FMNL1: variants seen among roughly 807,000 people sequenced by gnomAD.
The protein encoded by FMNL1 is formin-like protein 1.
FMNL1 carries 43 observed loss-of-function variants against 121.3 expected under a neutral mutation model. That is an observed-to-expected ratio of 0.35 (90% CI 0.28 to 0.46). FMNL1 has a LOEUF of 0.46. FMNL1 is among the 20% of genes least tolerant of loss of function. The pLI is 1.00. For synonymous variants in FMNL1, 613 were observed against 613.5 expected, an observed-to-expected ratio of 1.00 and a Z score of 0.01; for missense variants, 1,191 against 1,482.4, an observed-to-expected ratio of 0.80 and a Z score of 3.23.
rs2043439270 is a variant in FMNL1, at chr17:45,231,614, G to A, written c.214-753G>A. Among the ~76,000 whole-genome samples the A allele has an allele frequency of 6.6e-6, 1 of 152,100 alleles. No homozygotes were observed. The highest frequency in any genetic ancestry group is 2.4e-5 in the African/African-American group (1 of 41,408). On this transcript the variant is annotated intron_variant, in intron 2 of 26. Transcript: ENST00000331495. The surrounding 1 kb of genome is among the most constrained non-coding windows in gnomAD (Gnocchi z 4.7). Reference sequence around the variant, plus strand: ...TGAGGGGTTTGGGTTGGAAGGGTGGGGGCCCCTCTGGGGAGGGGTCTTTGC... The same window carrying A: ...TGAGGGGTTTGGGTTGGAAGGGTGGAGGCCCCTCTGGGGAGGGGTCTTTGC...
At chr17:45,239,735 C>T (rs1418384557) in intron 11 of FMNL1, among the ~76,000 whole-genome samples, 1 of 151,924 alleles carries the variant, frequency 6.6e-6, no homozygotes, top group Admixed American at 6.5e-5. Context: ...CATGGTACAA[C>T]ATGGGTGAGC....
In FMNL1 at chr17:45,246,924, G is replaced by C; in HGVS notation, c.*66G>C. On this transcript the variant is annotated 3_prime_UTR_variant, in exon 27 of 27. Transcript: ENST00000331495. The stretch of plus-strand genomic sequence containing the variant: ...ACAGGCCGCCGCAGTGCCCGTCGGC[G>C]TCCCCCGGGCCCCCCACTGCAGGTC... 1.3e-6 allele frequency: 1 copy of C among 758,340 alleles called. No individual in the cohort carries two copies. The highest frequency in any genetic ancestry group is 2.4e-6 in the Non-Finnish European group (1 of 415,378). The allele number at this position is 758,340 out of a possible 1,614,324, so 47.0% of individuals were successfully genotyped here. A position where few individuals can be genotyped will look rare whatever the true frequency, so the allele number is the denominator to read the frequency against.
At position 45,241,900 on chromosome 17, in the gene FMNL1, C is replaced by T; in HGVS notation, c.1639C>T (p.Pro547Ser). 1.4e-6 allele frequency: 2 copies of T among 1,420,020 alleles called. No individual in the cohort carries two copies. The highest frequency in any genetic ancestry group is 1.8e-6 in the Non-Finnish European group (2 of 1,095,764). The allele number at this position is 1,420,020 out of a possible 1,614,324, so 88.0% of individuals were successfully genotyped here. ...APGAAPPPPP[P>S]LPGLPSPQEA... ...CGGAGCAGCGCCACCGCCGCCGCCC[C>T]CACTGCCCGGCCTCCCCTCCCCGCA... The change falls in exon 15 of 27, where the codon CCA becomes TCA. Residue 547 changes from proline (P) to serine (S), a missense_variant. Pro to Ser is a moderately conservative substitution (Grantham distance 74). This residue lies in a region of FMNL1 where 519 missense variants were observed against 492.8 expected (regional missense o/e 1.05). Transcript: ENST00000331495. The surrounding 1 kb of genome is among the most constrained non-coding windows in gnomAD (Gnocchi z 7.0).
Position 45,244,933 on chromosome 17 carries a change from T to A in FMNL1, c.2598+34T>A, listed in dbSNP as rs771298485. On this transcript the variant is annotated intron_variant, in intron 20 of 26. Coordinates refer to ENST00000331495, the MANE Select transcript of FMNL1 (RefSeq NM_005892.4). ...GGGCCCCTGGCTTGGGGACTGGGGC[T>A]GGGGACTGGCTGGTGGCCTGTGGCT... 17 of 1,612,672 alleles carry A rather than the reference T, an allele frequency of 1.1e-5. No individual in the cohort carries two copies. In the African/African-American group the frequency reaches 2.0e-4, roughly 19 times the overall value.
chr17:45,234,005 T>C (rs2043496703), intron 5 of FMNL1, 67 bp from the exon 6 acceptor site: 1 of 1,581,832 alleles, frequency 6.3e-7, no homozygotes, highest in African/African-American at 1.4e-5. Flanking sequence ...CTCCTTGCGT[T>C]TCCTCTGCCC....
intron 1 of FMNL1, among the ~76,000 whole-genome samples, chr17:45,225,992 C>T (rs1358967570): frequency 6.6e-6 from 1 of 152,142 alleles, no homozygotes; most frequent in Non-Finnish European, 1.5e-5. Flanking sequence ...CTGATCTGGT[C>T]CTCTCCATCT....
chr17:45,224,554 C>G (rs78088934), intron 1 of FMNL1, among the ~76,000 whole-genome samples: 2,140 of 152,326 alleles, frequency 0.014, 64 homozygotes, highest in African/African-American at 0.049. Context: ...GGAACCTCTT[C>G]CTTCCCCTTT....
intron 1 of FMNL1, among the ~76,000 whole-genome samples, chr17:45,223,757 G>A (rs898523742): frequency 6.6e-6 from 1 of 152,182 alleles, no homozygotes; most frequent in African/African-American, 2.4e-5. Context: ...GAGGGACATG[G>A]GTCTGTCTTT....
At chr17:45,238,342 A>C (rs2143473676) in intron 9 of FMNL1, 1 of 514,894 alleles carries the variant, frequency 1.9e-6, no homozygotes, top group South Asian at 2.3e-5. Flanking sequence ...GTAAGTGCAA[A>C]GGCCCTGGGG....
chr17:45,232,234 G>T (rs1022429735), intron 2 of FMNL1, 133 bp from the exon 3 acceptor site: 1 of 725,584 alleles, frequency 1.4e-6, no homozygotes, highest in African/African-American at 1.8e-5. Flanking sequence ...TATACCTTTG[G>T]TATTTCAGAG....
rs756823031 is a variant in FMNL1, at chr17:45,245,889, G to A, written c.3006G>A (p.Gln1002=). Residue 1002 remains glutamine (Q), a synonymous_variant, in exon 24 of 27, where the codon CAG becomes CAA. Coordinates refer to ENST00000331495, the MANE Select transcript of FMNL1 (RefSeq NM_005892.4). ...GCCTTGGCCCACAGAAAGCTGAGCA[G>A]GAGGTGGAACAGTGGAAAAAAGAAG... The part of the protein sequence containing the change: ...RFIKAYKKAE[Q]EVEQWKKEAA... 1.3e-6 allele frequency: 2 copies of A among 1,596,864 alleles called. No homozygotes were observed. Among genetic ancestry groups the A allele is most frequent in the African/African-American group, 2.7e-5 (2 of 73,702 alleles).
intron 12 of FMNL1, 190 bp downstream of exon 12, chr17:45,240,815 T>G (rs2043672066): frequency 2.3e-6 from 2 of 853,382 alleles, no homozygotes; most frequent in Admixed American, 5.8e-5. Context: ...TCTCAATGAG[T>G]GTGGGTGAGC....
intron 3 of FMNL1, 95 bp downstream of exon 3, chr17:45,232,575 G>C (rs9913962): frequency 1.8e-6 from 2 of 1,082,708 alleles, no homozygotes; most frequent in East Asian, 5.1e-5. Context: ...TTCTATGTGC[G>C]TGTGTGGGTG....
In FMNL1 at chr17:45,241,027, G is replaced by A; in HGVS notation, c.1231-102G>A. The stretch of plus-strand genomic sequence containing the variant: ...GCACCTGGGCTGAGCGGATCTGGGA[G>A]CCTCCCCCAGTCTTCCAGGCAGGCA... On this transcript the variant is annotated intron_variant, in intron 12 of 26. Transcript: ENST00000331495. The surrounding 1 kb of genome is among the most constrained non-coding windows in gnomAD (Gnocchi z 7.0). 1 of 1,441,018 alleles carries A rather than the reference G, an allele frequency of 6.9e-7. No individual in the cohort carries two copies. Among genetic ancestry groups the A allele is most frequent in the South Asian group, 1.2e-5 (1 of 84,506 alleles). 89.3% of individuals were successfully genotyped at this position (1,441,018 alleles called of 1,614,324 possible).
Position 45,222,057 on chromosome 17 carries a change from C to G in FMNL1, c.-68C>G. 1.8e-6 allele frequency: 2 copies of G among 1,117,990 alleles called. No homozygotes were observed. Among genetic ancestry groups the G allele is most frequent in the East Asian group, 4.7e-5 (1 of 21,222 alleles). 69.3% of individuals were successfully genotyped at this position (1,117,990 alleles called of 1,614,324 possible). A position where few individuals can be genotyped will look rare whatever the true frequency, so the allele number is the denominator to read the frequency against. ...TCGCCCCCGCCCGGGCCGGGAGCCT[C>G]GTCCCCGTCCCCCGGAAAGCTGGAT... On this transcript the variant is annotated 5_prime_UTR_variant, in exon 1 of 27. Transcript: ENST00000331495.
chr17:45,244,692 C>G, intron 19 of FMNL1, 127 bp from the exon 20 acceptor site: 1 of 935,250 alleles, frequency 1.1e-6, no homozygotes, highest in South Asian at 1.6e-5. Context: ...GGGGCCTGTG[C>G]AGGAGTACAG....
intron 1 of FMNL1, among the ~76,000 whole-genome samples, chr17:45,223,025 G>T (rs1466565579): frequency 2.0e-5 from 3 of 152,210 alleles, no homozygotes; most frequent in Admixed American, 1.3e-4. Flanking sequence ...ATGTTCAGTG[G>T]GGTGGGGGCT....
rs2043582125 is a variant in FMNL1, at chr17:45,237,680, G to T, written c.894+41G>T. 3 of 1,605,298 alleles carry T rather than the reference G, an allele frequency of 1.9e-6. No individual in the cohort carries two copies. Among genetic ancestry groups the T allele is most frequent in the Non-Finnish European group, 2.6e-6 (3 of 1,172,604 alleles). On this transcript the variant is annotated intron_variant, in intron 9 of 26. Transcript: ENST00000331495. The surrounding 1 kb of genome is among the most constrained non-coding windows in gnomAD (Gnocchi z 4.4). ...ACCCAAACATGCATTTCCCCCTATGGTGTTGCTTGGAGTCTTGTTGTTGGC... is the reference window on the plus strand; with the variant it reads ...ACCCAAACATGCATTTCCCCCTATGTTGTTGCTTGGAGTCTTGTTGTTGGC...
At chr17:45,232,544 A>C in intron 3 of FMNL1, 64 bp downstream of exon 3, 1 of 1,489,278 alleles carries the variant, frequency 6.7e-7, no homozygotes, top group Non-Finnish European at 9.3e-7. Context: ...GGGCAGCTGG[A>C]GTAACTGTGT....
Sources: allele counts gnomAD v4.1 joint callset (sites outside exome capture counted in the v4.1 genomes callset), GRCh38; gene constraint gnomAD v4.1.1; regional missense constraint gnomAD v4.1.1; non-coding constraint Gnocchi (gnomAD v3.1); transcripts MANE v1.5; gene names NCBI Gene and HGNC (gene_info 2026-07-23, HGNC 2026-07-21).